The following UBE2W variants were observed in gnomAD, a reference collection of about 807,000 sequenced individuals.
UBE2W encodes ubiquitin conjugating enzyme E2 W.
UBE2W carries 18 observed loss-of-function variants against 27.2 expected under a neutral mutation model. The ratio of observed to expected loss-of-function variants is 0.66; its 90% CI spans 0.46 to 0.98. The LOEUF is 0.98. UBE2W is among the 50% of genes least tolerant of loss of function. The pLI is 0.00. For synonymous variants in UBE2W, 53 were observed against 57.2 expected, an observed-to-expected ratio of 0.93 and a Z score of 0.33; for missense variants, 90 against 180.2, an observed-to-expected ratio of 0.50 and a Z score of 2.87.
chr8:73,785,398 C>T (rs1807919328), downstream of UBE2W, among the ~76,000 whole-genome samples: 1 of 152,076 alleles, frequency 6.6e-6, no homozygotes, highest in Admixed American at 6.6e-5. Context: ...CTGCCTTGGC[C>T]TCCCAAAGTG....
rs1011871125 is a variant in UBE2W at position 73,856,412 on chromosome 8, T to C, written c.15+22396A>G. Among the ~76,000 whole-genome samples, 13 of 130,412 alleles carry C rather than the reference T, an allele frequency of 1.0e-4. 1 individual carries two copies. The South Asian group carries it at 3.1e-3, about 31-fold the overall frequency. The allele number at this position is 130,412 out of a possible 152,430, so 85.6% of individuals were successfully genotyped here. On this transcript the variant is annotated intron_variant, in intron 1 of 5. Transcript: ENST00000602593. ...GGGAGCCTTGCTCTGTCACCCAGGCTGGAGTGCAGTAGCACGATCTTGGCT... is the reference window on the plus strand; with the variant it reads ...GGGAGCCTTGCTCTGTCACCCAGGCCGGAGTGCAGTAGCACGATCTTGGCT...
Position 73,789,075 on chromosome 8 carries a change from A to C in UBE2W, c.*5027T>G. ...TTACAATTAACATCTCACCAGGATC[A>C]AAGAACCCTAACTTCAACTTTCAGG... On this transcript the variant is annotated 3_prime_UTR_variant, in exon 6 of 6. Coordinates refer to ENST00000602593, the MANE Select transcript of UBE2W (RefSeq NM_018299.6). 3 of 985,262 alleles carry C rather than the reference A, an allele frequency of 3.0e-6. No individual in the cohort carries two copies. The highest frequency in any genetic ancestry group is 3.6e-6 in the Non-Finnish European group (3 of 829,910). The allele number at this position is 985,262 out of a possible 1,614,324, so 61.0% of individuals were successfully genotyped here. A position where few individuals can be genotyped will look rare whatever the true frequency, so the allele number is the denominator to read the frequency against.
intron 4 of UBE2W, among the ~76,000 whole-genome samples, chr8:73,809,931 C>T (rs1324977818): frequency 5.3e-5 from 8 of 151,848 alleles, no homozygotes; most frequent in Admixed American, 5.2e-4. Context: ...TTTTTCCCCC[C>T]ACTTCCATCA....
chr8:73,817,020 T>G (rs1414294033), intron 3 of UBE2W, among the ~76,000 whole-genome samples: 1 of 140,486 alleles, frequency 7.1e-6, no homozygotes, highest in Non-Finnish European at 1.5e-5. Context: ...GGCAACAGAG[T>G]GAGACTCTGT....
chr8:73,793,350 A>G lies in UBE2W; in HGVS notation c.*752T>C, dbSNP rs1420766423. On this transcript the variant is annotated 3_prime_UTR_variant, in exon 6 of 6. Transcript: ENST00000602593. ...GCCTTGATTAAACCATTCATACCCT[A>G]TATTACTCATACCTTTACTTCAGAG... 6.1e-6 allele frequency: 6 copies of G among 985,692 alleles called. No homozygotes were observed. Among genetic ancestry groups the G allele is most frequent in the South Asian group, 9.4e-5 (2 of 21,292 alleles). The allele number at this position is 985,692 out of a possible 1,614,324, so 61.1% of individuals were successfully genotyped here. A position where few individuals can be genotyped will look rare whatever the true frequency, so the allele number is the denominator to read the frequency against.
At chr8:73,799,692 G>C (rs1808558445) in intron 5 of UBE2W, among the ~76,000 whole-genome samples, 1 of 152,162 alleles carries the variant, frequency 6.6e-6, no homozygotes, top group Non-Finnish European at 1.5e-5. Context: ...GGAGGACTGT[G>C]GAGCTTGAGA....
chr8:73,861,158 A>C (rs903081096), intron 1 of UBE2W, among the ~76,000 whole-genome samples: 8 of 152,144 alleles, frequency 5.3e-5, no homozygotes, highest in African/African-American at 9.7e-5. Flanking sequence ...TCAACATAAA[A>C]AGTCACTAAT....
Position 73,788,221 on chromosome 8 carries a change from A to AT in UBE2W, c.*5880_*5881insA, listed in dbSNP as rs1299010405. Reference sequence around the variant, plus strand: ...AACAAGTCTGATACATGTATTAAAAAATATATAACATAGATTTGTCTGTTT... The same window carrying AT: ...AACAAGTCTGATACATGTATTAAAAATATATATAACATAGATTTGTCTGTTT... On this transcript the variant is annotated 3_prime_UTR_variant, in exon 6 of 6. Coordinates refer to ENST00000602593, the MANE Select transcript of UBE2W (RefSeq NM_018299.6). 4.0e-5 allele frequency: 38 copies of AT among 943,262 alleles called. No homozygotes were observed. Among genetic ancestry groups the AT allele is most frequent in the Admixed American group, 3.1e-4 (5 of 16,218 alleles). The allele number at this position is 943,262 out of a possible 1,614,324, so 58.4% of individuals were successfully genotyped here.
At chr8:73,784,363 T>C (rs1026465792), downstream of UBE2W, among the ~76,000 whole-genome samples, 1 of 152,176 alleles carries the variant, frequency 6.6e-6, no homozygotes. Flanking sequence ...GCATTCAATA[T>C]TTAAATGAGT....
At chr8:73,796,888 T>C (rs1423073410) in intron 5 of UBE2W, among the ~76,000 whole-genome samples, 1 of 37,778 alleles carries the variant, frequency 2.6e-5, no homozygotes, top group Non-Finnish European at 4.8e-5. Flanking sequence ...CAACCAAAAA[T>C]AAATAAATAA....
chr8:73,853,966 T>C (rs576667702), intron 1 of UBE2W, among the ~76,000 whole-genome samples: 115 of 152,068 alleles, frequency 7.6e-4, no homozygotes, highest in Non-Finnish European at 1.5e-3. Context: ...CAGGGCAACA[T>C]AGTAAGACCC....
intron 4 of UBE2W, among the ~76,000 whole-genome samples, chr8:73,809,511 A>G (rs1809061422): frequency 6.6e-6 from 1 of 152,226 alleles, no homozygotes; most frequent in African/African-American, 2.4e-5. Flanking sequence ...AGGAATGACA[A>G]GAGTGTCAGA....
In UBE2W at chr8:73,790,163, C is replaced by G. The variant is rs1431335459; in HGVS notation, c.*3939G>C. On this transcript the variant is annotated 3_prime_UTR_variant, in exon 6 of 6. Coordinates refer to ENST00000602593, the MANE Select transcript of UBE2W (RefSeq NM_018299.6). ...TGGCATAATTTTAATAATCGTCCTT[C>G]TGTAGAATCCCTAACCTCAGAAAAA... is the stretch of plus-strand genomic sequence containing the variant. The G allele has an allele frequency of 1.0e-6, 1 of 984,524 alleles. No homozygotes were observed. The highest frequency in any genetic ancestry group is 6.2e-5 in the Admixed American group (1 of 16,212). The allele number at this position is 984,524 out of a possible 1,614,324, so 61.0% of individuals were successfully genotyped here. A position where few individuals can be genotyped will look rare whatever the true frequency, so the allele number is the denominator to read the frequency against.
intron 3 of UBE2W, among the ~76,000 whole-genome samples, chr8:73,818,051 T>G (rs1194443447): frequency 6.6e-6 from 1 of 152,238 alleles, no homozygotes; most frequent in African/African-American, 2.4e-5. Flanking sequence ...AAACTCTTTT[T>G]GTCCTTTAAG....
chr8:73,791,533 G>T lies in UBE2W; in HGVS notation c.*2569C>A. The T allele has an allele frequency of 2.0e-6, 2 of 985,050 alleles. No homozygotes were observed. The highest frequency in any genetic ancestry group is 2.4e-6 in the Non-Finnish European group (2 of 829,730). 61.0% of individuals were successfully genotyped at this position (985,050 alleles called of 1,614,324 possible). A position where few individuals can be genotyped will look rare whatever the true frequency, so the allele number is the denominator to read the frequency against. The stretch of plus-strand genomic sequence containing the variant: ...CTATATACATTTTCTTGATATTCTG[G>T]TTGTCTTTCAACAATGCATTACAGA... On this transcript the variant is annotated 3_prime_UTR_variant, in exon 6 of 6. Coordinates refer to ENST00000602593, the MANE Select transcript of UBE2W (RefSeq NM_018299.6).
rs1260553384 is a variant in UBE2W at position 73,811,120 on chromosome 8, T to C, written c.211-491A>G. Among the ~76,000 whole-genome samples, 8 of 152,180 alleles carry C rather than the reference T, an allele frequency of 5.3e-5. No individual in the cohort carries two copies. In the East Asian group the frequency reaches 9.6e-4, roughly 18 times the overall value. ...CATGTGCAAAGGGAAATGACTGTTA[T>C]ATATTCCACCTCCTCTAAACTTACA... On this transcript the variant is annotated intron_variant, in intron 3 of 5. Transcript: ENST00000602593.
chr8:73,786,985 A>G lies in UBE2W; in HGVS notation c.*7117T>C. 1 of 985,452 alleles carries G rather than the reference A, an allele frequency of 1.0e-6. No individual in the cohort carries two copies. 61.0% of individuals were successfully genotyped at this position (985,452 alleles called of 1,614,324 possible). A position where few individuals can be genotyped will look rare whatever the true frequency, so the allele number is the denominator to read the frequency against. On this transcript the variant is annotated 3_prime_UTR_variant, in exon 6 of 6. Transcript: ENST00000602593. ...ATATTAGGATCTTGTCTAATGACATATATTCACCCACATTAAGTCCCTGAA... is the reference window on the plus strand; with the variant it reads ...ATATTAGGATCTTGTCTAATGACATGTATTCACCCACATTAAGTCCCTGAA...
At chr8:73,826,081 T>C (rs745336572) in intron 2 of UBE2W, among the ~76,000 whole-genome samples, 1 of 152,126 alleles carries the variant, frequency 6.6e-6, no homozygotes, top group African/African-American at 2.4e-5. Flanking sequence ...GGAGCTAAAT[T>C]GACATCAGTC....
chr8:73,783,802 G>T (rs902523776), downstream of UBE2W, among the ~76,000 whole-genome samples: 2 of 152,158 alleles, frequency 1.3e-5, no homozygotes, highest in African/African-American at 4.8e-5. Context: ...TTGCTCGGTT[G>T]CCCAGGCTGG....
Sources: allele counts gnomAD v4.1 joint callset (sites outside exome capture counted in the v4.1 genomes callset), GRCh38; gene constraint gnomAD v4.1.1; transcripts MANE v1.5; gene names NCBI Gene and HGNC (gene_info 2026-07-23, HGNC 2026-07-21).